The following TMPRSS15 variants were observed in gnomAD, a reference collection of about 807,000 sequenced individuals.
TMPRSS15 encodes the protein enteropeptidase.
In TMPRSS15, 128 loss-of-function variants were observed where a neutral mutation model predicts 125.3. The observed-to-expected ratio is 1.02, with a 90% CI of 0.89 to 1.18. The LOEUF (loss-of-function observed/expected upper bound fraction) is 1.18, where lower values mean the gene tolerates loss of function less well. TMPRSS15 is among the 50% of genes most tolerant of loss of function. The pLI, the probability that TMPRSS15 is intolerant of heterozygous loss-of-function variation, is 0.00. For synonymous variants in TMPRSS15, 446 were observed against 423.2 expected (o/e 1.05, Z -0.66); for missense variants, 1,283 against 1,212.7 (o/e 1.06, Z -0.86).
chr21:18,370,379 T>C (rs530408313), intron 6 of TMPRSS15, among the ~76,000 whole-genome samples: 3 of 152,280 alleles, frequency 2.0e-5, no homozygotes, highest in Admixed American at 1.3e-4. Context: ...ATTTTGGTAG[T>C]TATGCCTTTT....
Position 18,326,561 on chromosome 21 carries a change from C to G in TMPRSS15, c.1792G>C (p.Gly598Arg). 1 of 1,614,128 alleles carries G rather than the reference C, an allele frequency of 6.2e-7. No individual in the cohort carries two copies. The highest frequency in any genetic ancestry group is 8.5e-7 in the Non-Finnish European group (1 of 1,179,984). Residue 598 changes from glycine to arginine, a missense_variant, in exon 16 of 25, where the codon GGG becomes CGG. By Grantham distance (125) the Gly-to-Arg change is moderately radical. Coordinates refer to ENST00000284885, the MANE Select transcript of TMPRSS15 (RefSeq NM_002772.3). ...AACACATCCTTTACTGGGCCAGGCC[C>G]TGTGTACACAGCTGTTCCAAAGGAA... ...ADSLLLAVYTGPGPVKDVFST... is the reference protein window; with the variant it reads ...ADSLLLAVYTRPGPVKDVFST...
chr21:18,426,618 T>A (rs567250300), intron 1 of TMPRSS15, among the ~76,000 whole-genome samples: 1 of 152,042 alleles, frequency 6.6e-6, no homozygotes, highest in Admixed American at 6.5e-5. Context: ...AAAAAGCTAT[T>A]TGTTTTAGCC....
intron 1 of TMPRSS15, among the ~76,000 whole-genome samples, chr21:18,459,755 A>ATT (rs1453564326): frequency 2.6e-5 from 4 of 152,202 alleles, no homozygotes; most frequent in Non-Finnish European, 5.9e-5. Flanking sequence ...GAATTGTTTT[A>ATT]AATATATCAA....
intron 7 of TMPRSS15, among the ~76,000 whole-genome samples, chr21:18,363,207 T>G (rs1057150957): frequency 1.3e-5 from 2 of 152,156 alleles, no homozygotes; most frequent in Non-Finnish European, 2.9e-5. Flanking sequence ...TGTGATTAAT[T>G]AAATCATCAT....
At chr21:18,287,495 AG>A (rs1016856475) in intron 21 of TMPRSS15, among the ~76,000 whole-genome samples, 1 of 152,228 alleles carries the variant, frequency 6.6e-6, no homozygotes, top group Non-Finnish European at 1.5e-5. Context: ...CTAAGAAAAA[AG>A]GTGGCTCAAC....
intron 1 of TMPRSS15, among the ~76,000 whole-genome samples, chr21:18,426,923 G>C (rs1332819934): frequency 6.6e-6 from 1 of 152,144 alleles, no homozygotes; most frequent in Non-Finnish European, 1.5e-5. Flanking sequence ...TGTCTCAGTT[G>C]GATTTTATGA....
intron 21 of TMPRSS15, among the ~76,000 whole-genome samples, chr21:18,284,534 C>G (rs576201165): frequency 6.6e-6 from 1 of 152,096 alleles, no homozygotes; most frequent in African/African-American, 2.4e-5. Flanking sequence ...GTGAAGACAG[C>G]CTTCAGAAAA....
chr21:18,452,229 G>A (rs890599790), intron 1 of TMPRSS15, among the ~76,000 whole-genome samples: 7 of 152,196 alleles, frequency 4.6e-5, no homozygotes, highest in African/African-American at 1.7e-4. Context: ...GATTCCTTGA[G>A]TCTATAATTT....
intron 1 of TMPRSS15, among the ~76,000 whole-genome samples, chr21:18,471,998 G>A (rs1423854826): frequency 6.6e-6 from 1 of 152,086 alleles, no homozygotes; most frequent in Non-Finnish European, 1.5e-5. Flanking sequence ...TGATTAAATG[G>A]AAAGTAAAAG....
At position 18,403,640 on chromosome 21, in the gene TMPRSS15, T is replaced by C; in HGVS notation, c.-18A>G. 3 of 1,613,984 alleles carry C rather than the reference T, an allele frequency of 1.9e-6. No homozygotes were observed. The highest frequency in any genetic ancestry group is 1.7e-6 in the Non-Finnish European group (2 of 1,179,912). ...GACCCCATTTTTGGTTTTGAAGGCT[T>C]GCTAATTTAAGAACTGAAAGAGAAT... On this transcript the variant is annotated 5_prime_UTR_variant, in exon 1 of 25. Coordinates refer to ENST00000284885, the MANE Select transcript of TMPRSS15 (RefSeq NM_002772.3).
chr21:18,448,288 G>T (rs1475121991), intron 1 of TMPRSS15, among the ~76,000 whole-genome samples: 1 of 152,110 alleles, frequency 6.6e-6, no homozygotes, highest in Admixed American at 6.5e-5. Flanking sequence ...GTGTCTAATT[G>T]ATGTTACAAA....
At chr21:18,414,494 A>G (rs12482141) in intron 1 of TMPRSS15, among the ~76,000 whole-genome samples, 28,808 of 152,172 alleles carry the variant, frequency 0.19, 3,441 homozygotes, top group East Asian at 0.47. Context: ...AATTTTATAC[A>G]TATCGAATTC....
At chr21:18,311,372 C>T (rs2075099666) in intron 18 of TMPRSS15, among the ~76,000 whole-genome samples, 2 of 152,102 alleles carry the variant, frequency 1.3e-5, no homozygotes, top group South Asian at 4.1e-4. Flanking sequence ...ATATAAAGAG[C>T]TCAAACAAAT....
intron 17 of TMPRSS15, among the ~76,000 whole-genome samples, chr21:18,313,830 A>G (rs1053949131): frequency 6.6e-6 from 1 of 152,012 alleles, no homozygotes. Context: ...GAGTATATAT[A>G]AACTTAGTTT....
chr21:18,364,042 C>G (rs1247239233), intron 7 of TMPRSS15, among the ~76,000 whole-genome samples: 1 of 152,068 alleles, frequency 6.6e-6, no homozygotes, highest in Non-Finnish European at 1.5e-5. Flanking sequence ...TTTCTCACAT[C>G]TCCTCTCTGG....
chr21:18,297,762 G>T lies in TMPRSS15; in HGVS notation c.2233C>A (p.Pro745Thr). 6.2e-7 allele frequency: 1 copy of T among 1,613,752 alleles called. No individual in the cohort carries two copies. The highest frequency in any genetic ancestry group is 8.5e-7 in the Non-Finnish European group (1 of 1,179,750). ...GGPFVKLNTA[P>T]DGHLILTPSQ... is the part of the protein sequence containing the mutation. ...GGTGTTAGTATTAAGTGGCCATCAG[G>T]TGCTGTGTTTAATTTGACAAATGGT... The change falls in exon 19 of 25, where the codon CCT becomes ACT. Residue 745 changes from proline to threonine, a missense_variant. By Grantham distance (38) the Pro-to-Thr change is conservative. Coordinates refer to ENST00000284885, the MANE Select transcript of TMPRSS15 (RefSeq NM_002772.3).
intron 22 of TMPRSS15, among the ~76,000 whole-genome samples, chr21:18,280,043 A>T (rs2074672777): frequency 6.6e-6 from 1 of 152,208 alleles, no homozygotes; most frequent in Non-Finnish European, 1.5e-5. Flanking sequence ...CCGTAGCAAT[A>T]GTCTGCTTTT....
At chr21:18,424,970 CAT>C (rs1204402029) in intron 1 of TMPRSS15, among the ~76,000 whole-genome samples, 3 of 148,642 alleles carry the variant, frequency 2.0e-5, no homozygotes, top group South Asian at 4.2e-4. Flanking sequence ...TGTATGAATA[CAT>C]ATGATATAAT....
At chr21:18,382,924 CT>C (rs1168139400) in intron 4 of TMPRSS15, among the ~76,000 whole-genome samples, 1 of 151,912 alleles carries the variant, frequency 6.6e-6, no homozygotes, top group East Asian at 1.9e-4. Flanking sequence ...CATATTTCTT[CT>C]TTTTTGGTTT....
Sources: allele counts gnomAD v4.1 joint callset (sites outside exome capture counted in the v4.1 genomes callset), GRCh38; gene constraint gnomAD v4.1.1; transcripts MANE v1.5; gene names NCBI Gene and HGNC (gene_info 2026-07-23, HGNC 2026-07-21).